Variants in ESRRB observed in about 807,000 individuals in gnomAD.
The protein encoded by ESRRB is steroid hormone receptor ERR2.
Under a neutral mutation model 46.0 loss-of-function variants are expected in ESRRB, and 16 were observed. The ratio of observed to expected loss-of-function variants is 0.35; its 90% CI spans 0.24 to 0.53. The LOEUF is 0.53. Among genes scored for constraint, ESRRB ranks in the 20% least tolerant of loss-of-function variants. ESRRB has a pLI of 0.93. For synonymous variants in ESRRB, 246 were observed against 259.6 expected (o/e 0.95, Z 0.50); for missense variants, 488 against 607.4 (o/e 0.80, Z 2.07).
intron 1 of ESRRB, among the ~76,000 whole-genome samples, chr14:76,341,148 C>G (rs1884187040): frequency 6.6e-6 from 1 of 152,198 alleles, no homozygotes; most frequent in Non-Finnish European, 1.5e-5. Flanking sequence ...TCTTCATGGA[C>G]TGAGTCTCCT....
At chr14:76,445,596 T>C (rs895014216) in intron 2 of ESRRB, among the ~76,000 whole-genome samples, 1 of 151,776 alleles carries the variant, frequency 6.6e-6, no homozygotes, top group Admixed American at 6.6e-5. Context: ...ATGGTTGTAC[T>C]AATATGGGAA....
intron 1 of ESRRB, among the ~76,000 whole-genome samples, chr14:76,406,019 T>C (rs1359285907): frequency 6.6e-6 from 1 of 152,236 alleles, no homozygotes; most frequent in Non-Finnish European, 1.5e-5. Flanking sequence ...AGGTTGTGCT[T>C]TGTGGACATT....
chr14:76,466,923 C>T (rs1047772571), intron 3 of ESRRB, among the ~76,000 whole-genome samples: 15 of 151,906 alleles, frequency 9.9e-5, no homozygotes, highest in Non-Finnish European at 1.5e-5. Context: ...GGGGTTTCAC[C>T]ATGTTGGCCA....
In ESRRB at chr14:76,499,745, C is replaced by A; in HGVS notation, c.*1287C>A. 1 of 888,858 alleles carries A rather than the reference C, an allele frequency of 1.1e-6. No homozygotes were observed. The highest frequency in any genetic ancestry group is 1.9e-6 in the Non-Finnish European group (1 of 528,284). The allele number at this position is 888,858 out of a possible 1,614,324, so 55.1% of individuals were successfully genotyped here. On this transcript the variant is annotated 3_prime_UTR_variant, in exon 7 of 7. Coordinates refer to ENST00000644823, the MANE Select transcript of ESRRB (RefSeq NM_001379180.1). Reference sequence around the variant, plus strand: ...GGTTTGTCCAGGACGTTTCTTTATCCCAGGAAACTCCTCTACCCCAGGCAC... The same window carrying A: ...GGTTTGTCCAGGACGTTTCTTTATCACAGGAAACTCCTCTACCCCAGGCAC...
Position 76,491,430 on chromosome 14 carries a change from GCC to G in ESRRB, c.851-13_851-12del. The G allele has an allele frequency of 6.2e-7, 1 of 1,606,702 alleles. No homozygotes were observed. Among genetic ancestry groups the G allele is most frequent in the Non-Finnish European group, 8.5e-7 (1 of 1,177,706 alleles). On this transcript the variant is annotated splice_polypyrimidine_tract_variant and intron_variant, in intron 5 of 6. Transcript: ENST00000644823. ...CTCCTGACCTGCTGCTGCCCTCTGT[GCC>G]CCCTCTTCCTGCAGGCTTCTCAAGC...
intron 1 of ESRRB, among the ~76,000 whole-genome samples, chr14:76,314,695 G>A (rs1883776121): frequency 6.6e-6 from 1 of 152,140 alleles, no homozygotes; most frequent in Non-Finnish European, 1.5e-5. Context: ...GGCAGGTGAA[G>A]AACTCTCTGG....
intron 3 of ESRRB, among the ~76,000 whole-genome samples, chr14:76,469,413 T>A (rs1889263455): frequency 6.6e-6 from 1 of 152,126 alleles, no homozygotes; most frequent in Non-Finnish European, 1.5e-5. Context: ...AGGACTTCAT[T>A]CCTATAGTAT....
intron 1 of ESRRB, among the ~76,000 whole-genome samples, chr14:76,315,087 T>C (rs1437278801): frequency 6.6e-6 from 1 of 152,128 alleles, no homozygotes; most frequent in African/African-American, 2.4e-5. Context: ...ATTTCGCCTG[T>C]ACTTGGGCAC....
At chr14:76,322,798 G>A (rs8017707) in intron 1 of ESRRB, among the ~76,000 whole-genome samples, 82,492 of 151,948 alleles carry the variant, frequency 0.54, 22,831 homozygotes, top group East Asian at 0.71. Context: ...TGGCCTCCTC[G>A]CCCACTCTCC....
intron 2 of ESRRB, among the ~76,000 whole-genome samples, chr14:76,458,779 G>A (rs1337575216): frequency 1.3e-5 from 2 of 151,872 alleles, no homozygotes; most frequent in Admixed American, 1.3e-4. Flanking sequence ...GAGCAGGCTG[G>A]AGCTGACGGG....
chr14:76,411,493 G>A lies in ESRRB; in HGVS notation c.51-27848G>A, dbSNP rs1022306892. 5.9e-5 allele frequency among the ~76,000 whole-genome samples: 9 copies of A among 152,034 alleles called. No homozygotes were observed. The South Asian group carries it at 8.3e-4, about 14-fold the overall frequency. On this transcript the variant is annotated intron_variant, in intron 1 of 6. Transcript: ENST00000644823. ...GAACTTGCAAGGGCATCTTTACTAC[G>A]GTCTCCTTCAGTTCAGTACCCCTTT...
intron 2 of ESRRB, among the ~76,000 whole-genome samples, chr14:76,443,455 A>ATGGCTTTTT (rs1888002692): frequency 1.3e-5 from 2 of 151,936 alleles, no homozygotes; most frequent in Non-Finnish European, 2.9e-5. Flanking sequence ...CAAGAATGAG[A>ATGGCTTTTT]ACCTCCAGTA....
chr14:76,395,969 T>G (rs1014329903), intron 1 of ESRRB, among the ~76,000 whole-genome samples: 1 of 151,926 alleles, frequency 6.6e-6, no homozygotes, highest in Non-Finnish European at 1.5e-5. Flanking sequence ...GGCCAAGAGT[T>G]CGATACAATT....
chr14:76,313,789 C>T (rs1883766440), intron 1 of ESRRB, among the ~76,000 whole-genome samples: 1 of 152,134 alleles, frequency 6.6e-6, no homozygotes, highest in South Asian at 2.1e-4. Flanking sequence ...TCATTATCCT[C>T]CCACTCTTTC....
At position 76,482,010 on chromosome 14, in the gene ESRRB, C is replaced by T. The variant is rs766066195; in HGVS notation, c.578-6C>T. On this transcript the variant is annotated splice_region_variant and splice_polypyrimidine_tract_variant and intron_variant, in intron 3 of 6. Transcript: ENST00000644823. The surrounding 1 kb of genome is among the most constrained non-coding windows in gnomAD (Gnocchi z 4.3). Reference sequence around the variant, plus strand: ...GCTGAGATCTTTTCCCTTTCCTCCCCAATAGGTGTGCGCCTTGATCGAGTG... The same window carrying T: ...GCTGAGATCTTTTCCCTTTCCTCCCTAATAGGTGTGCGCCTTGATCGAGTG... The T allele has an allele frequency of 2.1e-5, 34 of 1,613,108 alleles. 1 individual carries two copies. In the South Asian group the frequency reaches 3.4e-4, roughly 16 times the overall value.
At chr14:76,423,363 C>T (rs1887056798) in intron 1 of ESRRB, among the ~76,000 whole-genome samples, 2 of 152,020 alleles carry the variant, frequency 1.3e-5, no homozygotes, top group South Asian at 2.1e-4. Context: ...AGGCTGGTCT[C>T]GAACTTCTGA....
At chr14:76,343,108 C>T (rs983005742) in intron 1 of ESRRB, among the ~76,000 whole-genome samples, 2 of 152,092 alleles carry the variant, frequency 1.3e-5, no homozygotes, top group Non-Finnish European at 2.9e-5. Context: ...CAGTCATTGC[C>T]AAGAGCAGCC....
chr14:76,447,253 C>T (rs1888188480), intron 2 of ESRRB, among the ~76,000 whole-genome samples: 1 of 69,082 alleles, frequency 1.4e-5, no homozygotes, highest in Non-Finnish European at 2.7e-5. Flanking sequence ...CTCCTTCCTT[C>T]CTTCCTTCCT....
chr14:76,395,174 C>T (rs991110480), intron 1 of ESRRB, among the ~76,000 whole-genome samples: 2 of 152,210 alleles, frequency 1.3e-5, no homozygotes, highest in African/African-American at 4.8e-5. Context: ...AAGCCATGTG[C>T]ACTATCTGGC....
Sources: allele counts gnomAD v4.1 joint callset (sites outside exome capture counted in the v4.1 genomes callset), GRCh38; gene constraint gnomAD v4.1.1; non-coding constraint Gnocchi (gnomAD v3.1); transcripts MANE v1.5; gene names NCBI Gene and HGNC (gene_info 2026-07-23, HGNC 2026-07-21).